DISP3: variants seen among roughly 807,000 people sequenced by gnomAD.
DISP3 encodes the protein dispatched RND transporter family member 3, also known as protein dispatched homolog 3.
A neutral mutation model predicts 135.3 loss-of-function variants in DISP3; 101 were observed. The observed-to-expected ratio is 0.75, with a 90% CI of 0.64 to 0.88. The LOEUF (loss-of-function observed/expected upper bound fraction) is 0.88, where lower values mean the gene tolerates loss of function less well. DISP3 is among the 40% of genes least tolerant of loss of function. DISP3 has a pLI of 0.00. For missense variants in DISP3, 1,713 were observed against 1,878.6 expected (o/e 0.91, Z 1.63); for synonymous variants, 856 against 817.0 (o/e 1.05, Z -0.81).
In DISP3 at chr1:11,502,078, G is replaced by T; in HGVS notation, c.1086G>T (p.Ala362=). 6.4e-7 allele frequency: 1 copy of T among 1,553,706 alleles called. No homozygotes were observed. Among genetic ancestry groups the T allele is most frequent in the Non-Finnish European group, 8.7e-7 (1 of 1,149,810 alleles). The change falls in exon 2 of 21, where the codon GCG becomes GCT. Residue 362 remains alanine (A), a synonymous_variant. Coordinates refer to ENST00000294484, the MANE Select transcript of DISP3 (RefSeq NM_020780.2). The part of the protein sequence containing the change: ...IYYDGMGQDL[A]DIRGSLELAM... ...ATGACGGCATGGGCCAGGACCTGGC[G>T]GACATCCGGGGTGAGCCGCCGGGAT...
rs200987282 is a variant in DISP3 at position 11,501,846 on chromosome 1, C to T, written c.854C>T (p.Ala285Val). Residue 285 changes from alanine (A) to valine (V), a missense_variant, in exon 2 of 21, where the codon GCG (alanine) becomes GTG (valine). Ala to Val is a moderately conservative substitution (Grantham distance 64, BLOSUM62 0). This residue lies in a region of DISP3 where 571 missense variants were observed against 494.1 expected (regional missense o/e 1.16). Transcript: ENST00000294484. The surrounding 1 kb of genome is among the most constrained non-coding windows in gnomAD (Gnocchi z 4.9). ...IELIFLARGD[A>V]ERNIFTSERL... is the part of the protein sequence containing the mutation. ...CTCATCTTCCTGGCGCGCGGCGACGCGGAGCGCAACATTTTCACCAGTGAG... is the reference window on the plus strand; with the variant it reads ...CTCATCTTCCTGGCGCGCGGCGACGTGGAGCGCAACATTTTCACCAGTGAG... 76 of 1,612,032 alleles carry T rather than the reference C, an allele frequency of 4.7e-5. No individual in the cohort carries two copies. The highest frequency in any genetic ancestry group is 6.2e-5 in the Non-Finnish European group (73 of 1,179,152).
chr1:11,522,302 C>T (rs1642219182), intron 10 of DISP3, among the ~76,000 whole-genome samples: 1 of 152,120 alleles, frequency 6.6e-6, no homozygotes, highest in Non-Finnish European at 1.5e-5. Context: ...GTGCTGAGAT[C>T]AACCTGGCCT....
At chr1:11,530,786 A>G in intron 15 of DISP3, 121 bp from the exon 16 acceptor site, 1 of 1,356,934 alleles carries the variant, frequency 7.4e-7, no homozygotes, top group Non-Finnish European at 1.0e-6. Flanking sequence ...GGCTGCCAAC[A>G]TGAGGGTGAC....
At chr1:11,500,315 G>T (rs1641467147) in intron 1 of DISP3, among the ~76,000 whole-genome samples, 1 of 152,250 alleles carries the variant, frequency 6.6e-6, no homozygotes, top group South Asian at 2.1e-4. Context: ...ACAGTCCCCA[G>T]CCGGGAGCAG....
At chr1:11,484,099 G>A (rs1000906080) in intron 1 of DISP3, among the ~76,000 whole-genome samples, 1 of 152,200 alleles carries the variant, frequency 6.6e-6, no homozygotes, top group Non-Finnish European at 1.5e-5. Flanking sequence ...TGCTGTCATC[G>A]CTCCAGTCCT....
rs531929847 is a variant in DISP3, at chr1:11,480,647, C to T, written c.-4+1275C>T. Among the ~76,000 whole-genome samples the T allele has an allele frequency of 4.0e-5, 6 of 150,784 alleles. No homozygotes were observed. In the East Asian group the frequency reaches 1.2e-3, roughly 30 times the overall value. The stretch of plus-strand genomic sequence containing the variant: ...ACAAAGCCACTCAGACTCCCAAGCA[C>T]AGACACACTTCCACCCCCAGCGCGC... On this transcript the variant is annotated intron_variant, in intron 1 of 20. Transcript: ENST00000294484.
chr1:11,502,835 A>G lies in DISP3; in HGVS notation c.1254A>G (p.Gln418=), dbSNP rs767551789. 3 of 1,614,090 alleles carry G rather than the reference A, an allele frequency of 1.9e-6. No individual in the cohort carries two copies. Among genetic ancestry groups the G allele is most frequent in the East Asian group, 2.2e-5 (1 of 44,890 alleles). The change falls in exon 3 of 21, where the codon CAA becomes CAG. Residue 418 remains glutamine (Q), a synonymous_variant. Transcript: ENST00000294484. ...YYSVDDRWEE[Q]RAKFQSFVVT... ...CAGTAGATGACCGCTGGGAGGAACA[A>G]CGGGCTAAGTTTCAGAGCTTCGTGG...
intron 3 of DISP3, among the ~76,000 whole-genome samples, chr1:11,504,623 G>C (rs112520144): frequency 1.3e-5 from 2 of 152,212 alleles, no homozygotes; most frequent in African/African-American, 4.8e-5. Flanking sequence ...GAGTGAGCTA[G>C]TTCTCACTCT....
At position 11,501,031 on chromosome 1, in the gene DISP3, G is replaced by C; in HGVS notation, c.39G>C (p.Trp13Cys). ...ATGACCCCTTGCTGCAGGATGTGTG[G>C]CTAGAGGAGGAGCAGGAGGAGGAAG... is the stretch of plus-strand genomic sequence containing the variant. Reference protein sequence around the residue: ...TEDDPLLQDVWLEEEQEEEEA... With the variant: ...TEDDPLLQDVCLEEEQEEEEA... Residue 13 changes from tryptophan (W) to cysteine (C), a missense_variant, in exon 2 of 21, where the codon TGG (tryptophan) becomes TGC (cysteine). Trp to Cys is a radical substitution (Grantham distance 215, BLOSUM62 -2). Around this residue, in one of 2 missense-constraint regions of DISP3, gnomAD observed 571 missense variants for 494.1 expected, o/e 1.16. Transcript: ENST00000294484. This position sits in a 1 kb window ranked among gnomAD's most constrained non-coding sequence, Gnocchi z 4.9. 6.2e-7 allele frequency: 1 copy of C among 1,614,110 alleles called. No individual in the cohort carries two copies. Among genetic ancestry groups the C allele is most frequent in the South Asian group, 1.1e-5 (1 of 91,078 alleles).
chr1:11,536,788 C>T lies in DISP3; in HGVS notation c.*102C>T. On this transcript the variant is annotated 3_prime_UTR_variant, in exon 21 of 21. Coordinates refer to ENST00000294484, the MANE Select transcript of DISP3 (RefSeq NM_020780.2). This position sits in a 1 kb window ranked among gnomAD's most constrained non-coding sequence, Gnocchi z 4.3. ...GCTAGCTGTGTCCCCAGGCCTGGGC[C>T]CAGGGCGCCCTGCGGGCCAGCGTGG... is the stretch of plus-strand genomic sequence containing the variant. 3 of 1,399,148 alleles carry T rather than the reference C, an allele frequency of 2.1e-6. No homozygotes were observed. The highest frequency in any genetic ancestry group is 5.0e-5 in the East Asian group (2 of 39,860). 86.7% of individuals were successfully genotyped at this position (1,399,148 alleles called of 1,614,324 possible). A position where few individuals can be genotyped will look rare whatever the true frequency, so the allele number is the denominator to read the frequency against.
chr1:11,497,209 T>A (rs1557596308), intron 1 of DISP3, among the ~76,000 whole-genome samples: 1 of 152,164 alleles, frequency 6.6e-6, no homozygotes. Context: ...AAAATTAAAA[T>A]TTTAAAAAAT....
chr1:11,527,291 G>T (rs566841991), intron 13 of DISP3, among the ~76,000 whole-genome samples: 1 of 152,074 alleles, frequency 6.6e-6, no homozygotes, highest in Non-Finnish European at 1.5e-5. Context: ...GGTGGCTCAT[G>T]CCTGTAATCC....
rs576671638 is a variant in DISP3 at position 11,502,796 on chromosome 1, G to T, written c.1215G>T (p.Leu405=). The change falls in exon 3 of 21, where the codon CTG becomes CTT. Residue 405 remains leucine (L), a synonymous_variant. Transcript: ENST00000294484. ...GTGAGATCCTGTTTGGAGCACCCCTGCCCAACTACTACTCAGTAGATGACC... is the reference window on the plus strand; with the variant it reads ...GTGAGATCCTGTTTGGAGCACCCCTTCCCAACTACTACTCAGTAGATGACC... ...LRSEILFGAP[L]PNYYSVDDRW... 1.2e-6 allele frequency: 2 copies of T among 1,614,234 alleles called. No homozygotes were observed. The highest frequency in any genetic ancestry group is 2.7e-5 in the African/African-American group (2 of 75,064).
chr1:11,524,258 C>A (rs1380330776), intron 11 of DISP3, among the ~76,000 whole-genome samples: 2 of 152,142 alleles, frequency 1.3e-5, no homozygotes, highest in Admixed American at 6.5e-5. Context: ...TCCCGCGACA[C>A]CCTGGTCTGT....
chr1:11,515,419 G>A lies in DISP3; in HGVS notation c.1504G>A (p.Ala502Thr), dbSNP rs773135293. ...IASIGLSCLV[A>T]LFLYHVVFGI... ...CAGCATTGGTCTCAGCTGCCTGGTG[G>A]CCCTCTTCCTGTACCACGTGGTCTT... Residue 502 changes from alanine (A) to threonine (T), a missense_variant, in exon 5 of 21, where the codon GCC (alanine) becomes ACC (threonine). This residue lies in a region of DISP3 where 1,142 missense variants were observed against 1,384.6 expected (regional missense o/e 0.82). Coordinates refer to ENST00000294484, the MANE Select transcript of DISP3 (RefSeq NM_020780.2). 2 of 1,614,166 alleles carry A rather than the reference G, an allele frequency of 1.2e-6. No homozygotes were observed. The highest frequency in any genetic ancestry group is 3.3e-5 in the Admixed American group (2 of 60,022).
Position 11,502,664 on chromosome 1 carries a change from C to A in DISP3, c.1097-14C>A. ...CCAGCTGAACTCTTGGGGCCCCCAC[C>A]CCTGTCCTTGCAGGCTCCCTGGAGC... is the stretch of plus-strand genomic sequence containing the variant. On this transcript the variant is annotated splice_polypyrimidine_tract_variant and intron_variant, in intron 2 of 20. Coordinates refer to ENST00000294484, the MANE Select transcript of DISP3 (RefSeq NM_020780.2). The A allele has an allele frequency of 6.2e-7, 1 of 1,611,126 alleles. No individual in the cohort carries two copies. The highest frequency in any genetic ancestry group is 8.5e-7 in the Non-Finnish European group (1 of 1,178,446).
At chr1:11,484,695 A>G (rs554956478) in intron 1 of DISP3, among the ~76,000 whole-genome samples, 1 of 152,248 alleles carries the variant, frequency 6.6e-6, no homozygotes, top group Admixed American at 6.5e-5. Flanking sequence ...GCCAGTTTGG[A>G]AAAGGCTGTT....
At chr1:11,512,007 A>G (rs1217289669) in intron 3 of DISP3, among the ~76,000 whole-genome samples, 1 of 152,196 alleles carries the variant, frequency 6.6e-6, no homozygotes, top group Non-Finnish European at 1.5e-5. Flanking sequence ...TTTCAGCCAC[A>G]GCTGGAGCGG....
At chr1:11,513,139 G>T (rs1170126977) in intron 3 of DISP3, among the ~76,000 whole-genome samples, 3 of 152,012 alleles carry the variant, frequency 2.0e-5, no homozygotes, top group Admixed American at 6.6e-5. Context: ...AAAAAAATCG[G>T]CCAGGCATGG....
Sources: allele counts gnomAD v4.1 joint callset (sites outside exome capture counted in the v4.1 genomes callset), GRCh38; gene constraint gnomAD v4.1.1; regional missense constraint gnomAD v4.1.1; non-coding constraint Gnocchi (gnomAD v3.1); transcripts MANE v1.5; gene names NCBI Gene and HGNC (gene_info 2026-07-23, HGNC 2026-07-21).